The following PPP2R5E variants were observed in gnomAD, a reference collection of about 807,000 sequenced individuals.
PPP2R5E encodes the protein serine/threonine-protein phosphatase 2A 56 kDa regulatory subunit epsilon isoform.
In PPP2R5E, 4 loss-of-function variants were observed where a neutral mutation model predicts 65.3. The ratio of observed to expected loss-of-function variants is 0.06; its 90% CI spans 0.03 to 0.14. The LOEUF (loss-of-function observed/expected upper bound fraction) is 0.14, where lower values mean the gene tolerates loss of function less well. Among genes scored for constraint, PPP2R5E ranks in the 10% least tolerant of loss-of-function variants. The pLI is 1.00. For synonymous variants in PPP2R5E, 183 were observed against 187.4 expected (o/e 0.98, Z 0.19); for missense variants, 274 against 556.1 (o/e 0.49, Z 5.10).
intron 13 of PPP2R5E, among the ~76,000 whole-genome samples, chr14:63,376,416 T>C (rs529077036): frequency 6.6e-6 from 1 of 152,082 alleles, no homozygotes; most frequent in Non-Finnish European, 1.5e-5. Context: ...CAAGAAAATA[T>C]ATCTGCTCCT....
intron 4 of PPP2R5E, 90 bp downstream of exon 4, chr14:63,421,903 T>G (rs984813310): frequency 2.1e-6 from 2 of 957,526 alleles, no homozygotes; most frequent in Non-Finnish European, 3.3e-6. Context: ...TTTGATTTCT[T>G]GGTGAATAAA....
intron 5 of PPP2R5E, among the ~76,000 whole-genome samples, chr14:63,406,038 A>G (rs891209749): frequency 1.3e-5 from 2 of 152,236 alleles, no homozygotes; most frequent in Admixed American, 6.5e-5. Context: ...CTGAAATTCA[A>G]GTGAGCCAGT....
At chr14:63,431,575 A>G (rs1887673352) in intron 3 of PPP2R5E, among the ~76,000 whole-genome samples, 1 of 152,210 alleles carries the variant, frequency 6.6e-6, no homozygotes, top group African/African-American at 2.4e-5. Context: ...TACTGTAACA[A>G]GTAGGTATGA....
rs1883929955 is a variant in PPP2R5E at position 63,375,331 on chromosome 14, C to T, written c.*678G>A. The T allele has an allele frequency of 6.6e-6, 1 of 152,576 alleles. No homozygotes were observed. Among genetic ancestry groups the T allele is most frequent in the Non-Finnish European group, 1.5e-5 (1 of 68,010 alleles). 9.5% of individuals were successfully genotyped at this position (152,576 alleles called of 1,614,324 possible). A position where few individuals can be genotyped will look rare whatever the true frequency, so the allele number is the denominator to read the frequency against. On this transcript the variant is annotated 3_prime_UTR_variant, in exon 14 of 14. Transcript: ENST00000337537. ...GATGCATGAATCCGATATTCCCTTC[C>T]CTACTATGTTTATCACCTCTTCTCT...
chr14:63,538,898 T>G (rs1893778488), intron 2 of PPP2R5E, among the ~76,000 whole-genome samples: 1 of 151,918 alleles, frequency 6.6e-6, no homozygotes, highest in Admixed American at 6.6e-5. Context: ...TGAACCAGCC[T>G]GAGCAACAGA....
chr14:63,393,607 G>C (rs897623475), intron 8 of PPP2R5E, among the ~76,000 whole-genome samples: 3 of 152,128 alleles, frequency 2.0e-5, no homozygotes, highest in African/African-American at 7.2e-5. Flanking sequence ...AGCTACTCGG[G>C]AGGCTGAGGC....
At chr14:63,391,096 G>A (rs1884992799) in intron 10 of PPP2R5E, among the ~76,000 whole-genome samples, 1 of 152,182 alleles carries the variant, frequency 6.6e-6, no homozygotes, top group South Asian at 2.1e-4. Flanking sequence ...TAGCGTCTAT[G>A]TACAGTGACA....
intron 11 of PPP2R5E, among the ~76,000 whole-genome samples, chr14:63,385,318 C>T (rs939460910): frequency 6.6e-6 from 1 of 152,064 alleles, no homozygotes; most frequent in East Asian, 1.9e-4. Context: ...AGAGCAAGAC[C>T]GTGTCTTCTC....
intron 5 of PPP2R5E, among the ~76,000 whole-genome samples, chr14:63,404,590 G>A (rs1885960815): frequency 6.6e-6 from 1 of 152,152 alleles, no homozygotes. Context: ...AAAGGACAAT[G>A]GGGACAAGGC....
intron 3 of PPP2R5E, among the ~76,000 whole-genome samples, chr14:63,439,639 G>A (rs1257140778): frequency 6.6e-6 from 1 of 152,212 alleles, no homozygotes; most frequent in African/African-American, 2.4e-5. Context: ...CTCCCAAAGT[G>A]CTGGGATTAC....
At chr14:63,420,230 GACT>G (rs1886929075) in intron 4 of PPP2R5E, among the ~76,000 whole-genome samples, 1 of 152,156 alleles carries the variant, frequency 6.6e-6, no homozygotes, top group Non-Finnish European at 1.5e-5. Context: ...TAAGATGTGA[GACT>G]ACTGAGGAGA....
rs558475440 is a variant in PPP2R5E at position 63,379,826 on chromosome 14, C to CTTTTTTTTTT, written c.1304+2220_1304+2229dup. ...TAAGTTGTTCTTCAATATTCTCTCT[C>CTTTTTTTTTT]TTTTTTTTTTTTTTTTTTTTTTTTT... On this transcript the variant is annotated intron_variant, in intron 13 of 13. Coordinates refer to ENST00000337537, the MANE Select transcript of PPP2R5E (RefSeq NM_006246.5). Among the ~76,000 whole-genome samples, 10 of 100,300 alleles carry CTTTTTTTTTT rather than the reference C, an allele frequency of 1.0e-4. 1 individual carries two copies. Among genetic ancestry groups the CTTTTTTTTTT allele is most frequent in the African/African-American group, 4.7e-4 (9 of 19,146 alleles). 65.8% of individuals were successfully genotyped at this position (100,300 alleles called of 152,430 possible).
chr14:63,387,040 G>A (rs750320213), intron 11 of PPP2R5E, among the ~76,000 whole-genome samples: 1 of 152,132 alleles, frequency 6.6e-6, no homozygotes, highest in Non-Finnish European at 1.5e-5. Flanking sequence ...GAGGACAGAG[G>A]CATGGACGAG....
intron 5 of PPP2R5E, among the ~76,000 whole-genome samples, chr14:63,414,187 TATTAATTTA>T (rs1305937165): frequency 3.9e-5 from 6 of 152,156 alleles, no homozygotes; most frequent in Admixed American, 3.9e-4. Flanking sequence ...ATTCCAAATG[TATTAATTTA>T]ATTAAGGAGG....
intron 3 of PPP2R5E, among the ~76,000 whole-genome samples, chr14:63,428,553 G>A (rs1363073588): frequency 1.3e-5 from 2 of 152,146 alleles, no homozygotes; most frequent in Non-Finnish European, 2.9e-5. Flanking sequence ...GCAAGGTCAA[G>A]GACCTCATAA....
intron 2 of PPP2R5E, among the ~76,000 whole-genome samples, chr14:63,520,127 C>G (rs1267669279): frequency 6.6e-6 from 1 of 152,124 alleles, no homozygotes; most frequent in Non-Finnish European, 1.5e-5. Context: ...ACTCCGCCTC[C>G]CGGGTTCACG....
chr14:63,400,725 C>T (rs1337595761), intron 5 of PPP2R5E, among the ~76,000 whole-genome samples: 3 of 142,044 alleles, frequency 2.1e-5, no homozygotes, highest in South Asian at 2.3e-4. Flanking sequence ...CATATAGACT[C>T]AGTATCTCTT....
chr14:63,455,831 CT>C (rs367911025), intron 2 of PPP2R5E, among the ~76,000 whole-genome samples: 350 of 143,498 alleles, frequency 2.4e-3, no homozygotes, highest in Middle Eastern at 3.6e-3. Context: ...CAAGAAAAAG[CT>C]TTTTTTTTTT....
At chr14:63,484,347 TCA>T (rs199749451) in intron 2 of PPP2R5E, among the ~76,000 whole-genome samples, 4,337 of 139,406 alleles carry the variant, frequency 0.031, 69 homozygotes, top group South Asian at 0.058. Flanking sequence ...TCTCTCTCTC[TCA>T]CACACACACA....
Sources: allele counts gnomAD v4.1 joint callset (sites outside exome capture counted in the v4.1 genomes callset), GRCh38; gene constraint gnomAD v4.1.1; transcripts MANE v1.5; gene names NCBI Gene and HGNC (gene_info 2026-07-23, HGNC 2026-07-21).